FNDC1: variants seen among roughly 807,000 people sequenced by gnomAD.
The protein encoded by FNDC1 is fibronectin type III domain containing 1.
A neutral mutation model predicts 168.0 loss-of-function variants in FNDC1; 96 were observed. The observed-to-expected ratio is 0.57, with a 90% CI of 0.48 to 0.68. The LOEUF (loss-of-function observed/expected upper bound fraction) is 0.68, where lower values mean the gene tolerates loss of function less well. Among genes scored for constraint, FNDC1 ranks in the 30% least tolerant of loss-of-function variants. FNDC1 has a pLI of 0.00. For synonymous variants in FNDC1, 1,099 were observed against 1,025.9 expected (o/e 1.07, Z -1.36); for missense variants, 2,587 against 2,482.1 (o/e 1.04, Z -0.90).
intron 1 of FNDC1, among the ~76,000 whole-genome samples, chr6:159,171,685 C>T (rs1781664391): frequency 6.6e-6 from 1 of 152,194 alleles, no homozygotes; most frequent in Non-Finnish European, 1.5e-5. Flanking sequence ...CTCCTCCACT[C>T]ATATTCATCC....
At chr6:159,250,170 A>G (rs150226448) in intron 16 of FNDC1, among the ~76,000 whole-genome samples, 1 of 152,288 alleles carries the variant, frequency 6.6e-6, no homozygotes, top group Non-Finnish European at 1.5e-5. Flanking sequence ...TCATAAGTCT[A>G]CAACTCTCTA....
At chr6:159,239,118 G>A (rs1401627487) in intron 13 of FNDC1, among the ~76,000 whole-genome samples, 1 of 152,154 alleles carries the variant, frequency 6.6e-6, no homozygotes, top group Non-Finnish European at 1.5e-5. Context: ...ATTATGCACT[G>A]TCTAACTCAT....
intron 12 of FNDC1, 130 bp downstream of exon 12, chr6:159,236,445 G>T (rs1184341498): frequency 3.1e-6 from 2 of 652,630 alleles, no homozygotes; most frequent in Non-Finnish European, 5.3e-6. Flanking sequence ...CTACTTATAT[G>T]TACTTGTATA....
intron 1 of FNDC1, among the ~76,000 whole-genome samples, chr6:159,176,104 G>T (rs1301123616): frequency 6.6e-6 from 1 of 152,170 alleles, no homozygotes; most frequent in Non-Finnish European, 1.5e-5. Context: ...CCCTTCATCT[G>T]GTTTATTAGG....
rs1179875394 is a variant in FNDC1 at position 159,267,819 on chromosome 6, T to C, written c.5462T>C (p.Ile1821Thr). 2 of 1,613,728 alleles carry C rather than the reference T, an allele frequency of 1.2e-6. No homozygotes were observed. The highest frequency in any genetic ancestry group is 1.7e-6 in the Non-Finnish European group (2 of 1,179,858). Residue 1821 changes from isoleucine to threonine, a missense_variant, in exon 22 of 23, where the codon ATT becomes ACT. By Grantham distance (89) the Ile-to-Thr change is moderately conservative. Transcript: ENST00000297267. ...SDNLKDTFYS[I>T]GDSWGRGEDH... The stretch of plus-strand genomic sequence containing the variant: ...CTTCATGCAGATACATTCTACAGCA[T>C]TGGAGACAGCTGGGGAAGAGGTGAA...
chr6:159,184,402 G>A (rs535980917), intron 1 of FNDC1, among the ~76,000 whole-genome samples: 1 of 152,248 alleles, frequency 6.6e-6, no homozygotes, highest in African/African-American at 2.4e-5. Context: ...TTTATTAGGT[G>A]TGTAGTGTAT....
chr6:159,171,713 G>A (rs2114911262), intron 1 of FNDC1, among the ~76,000 whole-genome samples: 1 of 152,290 alleles, frequency 6.6e-6, no homozygotes. Flanking sequence ...AGGATACTAT[G>A]CAAACATTAA....
chr6:159,266,492 C>T (rs937418846), intron 21 of FNDC1, among the ~76,000 whole-genome samples: 4 of 152,138 alleles, frequency 2.6e-5, no homozygotes, highest in African/African-American at 7.2e-5. Flanking sequence ...CACCTGTAAT[C>T]GCAGCACTTT....
intron 18 of FNDC1, among the ~76,000 whole-genome samples, chr6:159,260,315 C>G (rs572019333): frequency 6.6e-6 from 1 of 152,342 alleles, no homozygotes; most frequent in East Asian, 1.9e-4. Flanking sequence ...TATTACTTCT[C>G]TAACCACCAT....
chr6:159,221,830 C>A, intron 6 of FNDC1, 134 bp downstream of exon 6: 1 of 732,512 alleles, frequency 1.4e-6, no homozygotes, highest in South Asian at 1.7e-5. Flanking sequence ...CAAATGTGGT[C>A]ACATTTTGGG....
chr6:159,190,376 GGCATGAATGGATTAGAA>G (rs1782109503), intron 1 of FNDC1, among the ~76,000 whole-genome samples: 1 of 152,236 alleles, frequency 6.6e-6, no homozygotes, highest in Admixed American at 6.5e-5. Flanking sequence ...TTTACCTGGT[GGCATGAATGGATTAGAA>G]GCCCCAGGCA....
Position 159,232,488 on chromosome 6 carries a change from C to G in FNDC1, c.1976C>G (p.Pro659Arg), listed in dbSNP as rs1401390624. Reference protein sequence around the residue: ...EDERAVGSLHPKGAFAQPRPA... With the variant: ...EDERAVGSLHRKGAFAQPRPA... ...GAGCGCGCTGTGGGCTCCCTCCACC[C>G]CAAGGGCGCCTTCGCCCAGCCCCGG... The change falls in exon 11 of 23, where the codon CCC becomes CGC. Residue 659 changes from proline to arginine, a missense_variant. By Grantham distance (103) the Pro-to-Arg change is moderately radical. Coordinates refer to ENST00000297267, the MANE Select transcript of FNDC1 (RefSeq NM_032532.3). This position sits in a 1 kb window ranked among gnomAD's most constrained non-coding sequence, Gnocchi z 4.9. 2 of 1,612,418 alleles carry G rather than the reference C, an allele frequency of 1.2e-6. No homozygotes were observed. Among genetic ancestry groups the G allele is most frequent in the African/African-American group, 2.7e-5 (2 of 74,920 alleles).
rs1783351767 is a variant in FNDC1 at position 159,239,510 on chromosome 6, G to T, written c.4181-7G>T. ...TGTTGCATAGCTATTGGTTGATTTT[G>T]TTTCAGATCTGGAAGGGACCCCCGT... is the stretch of plus-strand genomic sequence containing the variant. On this transcript the variant is annotated splice_polypyrimidine_tract_variant and splice_region_variant and intron_variant, in intron 13 of 22. Transcript: ENST00000297267. The T allele has an allele frequency of 1.9e-6, 3 of 1,572,078 alleles. No individual in the cohort carries two copies. The highest frequency in any genetic ancestry group is 1.4e-5 in the African/African-American group (1 of 73,394).
intron 4 of FNDC1, among the ~76,000 whole-genome samples, chr6:159,210,998 G>T (rs1367317056): frequency 6.6e-6 from 1 of 152,126 alleles, no homozygotes; most frequent in African/African-American, 2.4e-5. Context: ...GGTGCTTCTG[G>T]TTCACACTGA....
chr6:159,228,565 T>C (rs1418257617), intron 9 of FNDC1, among the ~76,000 whole-genome samples: 2 of 152,066 alleles, frequency 1.3e-5, no homozygotes, highest in African/African-American at 4.8e-5. Context: ...TAAATAAATA[T>C]ACTTTTTAAA....
intron 1 of FNDC1, among the ~76,000 whole-genome samples, chr6:159,187,520 G>C (rs1222893196): frequency 6.6e-6 from 1 of 152,168 alleles, no homozygotes. Flanking sequence ...TGAACCCTAT[G>C]CATATTGAGA....
Position 159,271,602 on chromosome 6 carries a change from A to G in FNDC1, c.*160A>G, listed in dbSNP as rs961563116. 4 of 587,462 alleles carry G rather than the reference A, an allele frequency of 6.8e-6. No individual in the cohort carries two copies. In the African/African-American group the frequency reaches 7.5e-5, roughly 11 times the overall value. 36.4% of individuals were successfully genotyped at this position (587,462 alleles called of 1,614,324 possible). On this transcript the variant is annotated 3_prime_UTR_variant, in exon 23 of 23. Coordinates refer to ENST00000297267, the MANE Select transcript of FNDC1 (RefSeq NM_032532.3). ...GCCATTCTGGTCATCTCAGTCTGGA[A>G]CTCAGTCCCACTTCTTGGCCTGGAC... is the stretch of plus-strand genomic sequence containing the variant.
At position 159,249,032 on chromosome 6, in the gene FNDC1, A is replaced by C. The variant is rs1355669780; in HGVS notation, c.4691-7A>C. The C allele has an allele frequency of 6.3e-7, 1 of 1,591,704 alleles. No homozygotes were observed. Among genetic ancestry groups the C allele is most frequent in the African/African-American group, 1.3e-5 (1 of 74,378 alleles). On this transcript the variant is annotated splice_region_variant and splice_polypyrimidine_tract_variant and intron_variant, in intron 15 of 22. Coordinates refer to ENST00000297267, the MANE Select transcript of FNDC1 (RefSeq NM_032532.3). ...TGCCCAATTACAGAGCCTTCATATC[A>C]TTTCAGATTATGAATTTGAGACGTC...
chr6:159,237,464 G>A (rs1393458132), intron 12 of FNDC1, among the ~76,000 whole-genome samples: 2 of 152,210 alleles, frequency 1.3e-5, no homozygotes, highest in African/African-American at 4.8e-5. Context: ...GCACGAGCTT[G>A]TTCCTTAATA....
Sources: gnomAD v4.1 joint callset for allele counts (sites outside exome capture counted in the v4.1 genomes callset) on GRCh38, gnomAD v4.1.1 for gene constraint, Gnocchi (gnomAD v3.1) non-coding constraint, MANE v1.5 for transcripts, NCBI Gene and HGNC (gene_info 2026-07-23, HGNC 2026-07-21) for gene names.